Variants in PDE4D observed in about 807,000 individuals in gnomAD.
PDE4D encodes the protein phosphodiesterase 4D, also known as 3',5'-cyclic-AMP phosphodiesterase 4D.
PDE4D carries 24 observed loss-of-function variants against 87.4 expected under a neutral mutation model. The observed-to-expected ratio is 0.27, with a 90% CI of 0.20 to 0.39. PDE4D has a LOEUF of 0.39. Ranked by LOEUF, PDE4D falls within the 10% of genes least tolerant of loss-of-function variation. The pLI is 1.00. For synonymous variants in PDE4D, 384 were observed against 383.2 expected (o/e 1.00, Z -0.02); for missense variants, 714 against 1,041.0 (o/e 0.69, Z 4.32).
At chr5:59,688,756 C>G (rs1413781448) in intron 1 of PDE4D, among the ~76,000 whole-genome samples, 3 of 151,958 alleles carry the variant, frequency 2.0e-5, no homozygotes, top group South Asian at 2.1e-4. Context: ...ACAAAAAAAC[C>G]CTTCAAAAAA....
intron 1 of PDE4D, among the ~76,000 whole-genome samples, chr5:59,503,902 TATA>T (rs55816880): frequency 0.19 from 28,602 of 152,128 alleles, 3,272 homozygotes; most frequent in Non-Finnish European, 0.26. Context: ...CTAGAAGTCT[TATA>T]ATATTTCTTA....
chr5:59,709,321 A>T (rs983185453), intron 1 of PDE4D, among the ~76,000 whole-genome samples: 1 of 152,170 alleles, frequency 6.6e-6, no homozygotes, highest in African/African-American at 2.4e-5. Context: ...CTTAGCTGTA[A>T]CAAAGTCTCT....
chr5:60,153,379 A>C (rs1781687500), intron 2 of PDE4D, among the ~76,000 whole-genome samples: 1 of 152,180 alleles, frequency 6.6e-6, no homozygotes, highest in Non-Finnish European at 1.5e-5. Context: ...AAGAAGTGTT[A>C]GTAAGGATGT....
At chr5:60,146,587 A>T (rs760741209) in intron 2 of PDE4D, among the ~76,000 whole-genome samples, 24 of 152,192 alleles carry the variant, frequency 1.6e-4, no homozygotes, top group Admixed American at 3.9e-4. Flanking sequence ...TACTCAATAC[A>T]AAGGTGTATT....
intron 1 of PDE4D, among the ~76,000 whole-genome samples, chr5:59,579,067 T>G (rs1823640639): frequency 6.6e-6 from 1 of 152,102 alleles, no homozygotes. Flanking sequence ...CTTAAACCAC[T>G]CTCTGAAGTA....
At chr5:60,213,026 T>C (rs1743428652) in intron 1 of PDE4D, among the ~76,000 whole-genome samples, 1 of 152,214 alleles carries the variant, frequency 6.6e-6, no homozygotes, top group Non-Finnish European at 1.5e-5. Flanking sequence ...GCTTCTCTTC[T>C]CTATAGATTT....
At chr5:59,538,278 G>A (rs796812766) in intron 1 of PDE4D, among the ~76,000 whole-genome samples, 3 of 152,270 alleles carry the variant, frequency 2.0e-5, no homozygotes, top group African/African-American at 7.2e-5. Flanking sequence ...AAAAGCATGA[G>A]AAGTATTTAT....
At chr5:59,099,442 T>C (rs1770352015) in intron 5 of PDE4D, among the ~76,000 whole-genome samples, 1 of 152,234 alleles carries the variant, frequency 6.6e-6, no homozygotes, top group African/African-American at 2.4e-5. Flanking sequence ...TAACTGCTCA[T>C]ATGCTGTAAC....
intron 5 of PDE4D, among the ~76,000 whole-genome samples, chr5:59,169,130 T>C (rs1782361692): frequency 6.6e-6 from 1 of 152,182 alleles, no homozygotes; most frequent in Non-Finnish European, 1.5e-5. Context: ...TATTTAGAGT[T>C]AAATAATTCA....
chr5:59,390,093 T>C (rs902931649), intron 1 of PDE4D, among the ~76,000 whole-genome samples: 4 of 152,076 alleles, frequency 2.6e-5, no homozygotes, highest in Non-Finnish European at 5.9e-5. Context: ...AATCAAAATA[T>C]CACATGTACC....
intron 1 of PDE4D, among the ~76,000 whole-genome samples, chr5:59,325,471 C>A (rs955354365): frequency 6.6e-6 from 1 of 152,102 alleles, no homozygotes; most frequent in African/African-American, 2.4e-5. Context: ...GCAAAAGGAC[C>A]TACACAGTAG....
chr5:59,697,580 A>C lies in PDE4D; in HGVS notation c.455+195588T>G, dbSNP rs1406934197. On this transcript the variant is annotated intron_variant, in intron 1 of 14. Transcript: ENST00000340635. ...GCAAACCAATGAACAAAGTTTCACT[A>C]TGCTCATTTAACAGAAGAGAAAATT... 2.0e-5 allele frequency among the ~76,000 whole-genome samples: 3 copies of C among 152,228 alleles called. No homozygotes were observed. The East Asian group carries it at 5.8e-4, about 29-fold the overall frequency.
intron 1 of PDE4D, among the ~76,000 whole-genome samples, chr5:59,666,370 A>G (rs573666342): frequency 2.0e-5 from 3 of 152,302 alleles, no homozygotes; most frequent in African/African-American, 7.2e-5. Context: ...TGGGATCTGA[A>G]GATAATTTAA....
intron 1 of PDE4D, among the ~76,000 whole-genome samples, chr5:59,591,530 T>G (rs1361007534): frequency 6.6e-6 from 1 of 152,108 alleles, no homozygotes; most frequent in Non-Finnish European, 1.5e-5. Context: ...GTATAATCAA[T>G]AGCTAATGTC....
intron 1 of PDE4D, among the ~76,000 whole-genome samples, chr5:59,520,410 A>G (rs1450405939): frequency 6.6e-6 from 1 of 152,208 alleles, no homozygotes; most frequent in African/African-American, 2.4e-5. Flanking sequence ...GTGCTTAAAA[A>G]GTTGGTGCGA....
intron 6 of PDE4D, among the ~76,000 whole-genome samples, chr5:59,024,541 A>G (rs1436188188): frequency 1.3e-5 from 2 of 152,082 alleles, no homozygotes; most frequent in Non-Finnish European, 2.9e-5. Context: ...TTCTGTAGGG[A>G]CTGATGATTC....
intron 1 of PDE4D, among the ~76,000 whole-genome samples, chr5:59,831,688 G>C (rs1450721642): frequency 6.6e-6 from 1 of 152,074 alleles, no homozygotes; most frequent in East Asian, 1.9e-4. Context: ...ATCTGTTCTA[G>C]TTACTGTTCC....
intron 1 of PDE4D, among the ~76,000 whole-genome samples, chr5:59,526,235 G>A (rs1303324042): frequency 6.6e-6 from 1 of 152,116 alleles, no homozygotes; most frequent in South Asian, 2.1e-4. Context: ...AAACCACAAT[G>A]AGGCAATGAG....
At chr5:59,467,863 T>C (rs1402535732) in intron 1 of PDE4D, among the ~76,000 whole-genome samples, 1 of 152,224 alleles carries the variant, frequency 6.6e-6, no homozygotes, top group Non-Finnish European at 1.5e-5. Context: ...TGGATTTTTC[T>C]GGGTGAAGTT....
Sources: allele counts gnomAD v4.1 joint callset (sites outside exome capture counted in the v4.1 genomes callset), GRCh38; gene constraint gnomAD v4.1.1; transcripts MANE v1.5; gene names NCBI Gene and HGNC (gene_info 2026-07-23, HGNC 2026-07-21).